OSBP2: variants seen among roughly 807,000 people sequenced by gnomAD.
The protein encoded by OSBP2 is oxysterol binding protein 2.
OSBP2 carries 66 observed loss-of-function variants against 96.0 expected under a neutral mutation model. That is an observed-to-expected ratio of 0.69 (90% CI 0.56 to 0.84). The LOEUF (loss-of-function observed/expected upper bound fraction) is 0.84, where lower values mean the gene tolerates loss of function less well. OSBP2 is among the 40% of genes least tolerant of loss of function. OSBP2 has a pLI of 0.00. For missense variants in OSBP2, 1,038 were observed against 1,222.7 expected (o/e 0.85, Z 2.25); for synonymous variants, 525 against 520.9 (o/e 1.01, Z -0.11).
intron 12 of OSBP2, chr22:30,902,126 G>GAAA (rs35391426): frequency 5.3e-4 from 67 of 126,040 alleles, no homozygotes; most frequent in African/African-American, 1.1e-3. Flanking sequence ...AAAAAAAAAC[G>GAAA]AAAAAAAAAA....
At chr22:30,795,879 G>A (rs1048812826) in intron 2 of OSBP2, among the ~76,000 whole-genome samples, 1 of 152,152 alleles carries the variant, frequency 6.6e-6, no homozygotes, top group Non-Finnish European at 1.5e-5. Context: ...TTGATTATTT[G>A]TATAGATTTC....
intron 2 of OSBP2, among the ~76,000 whole-genome samples, chr22:30,838,594 C>G (rs1322839075): frequency 2.6e-5 from 4 of 152,152 alleles, no homozygotes; most frequent in Non-Finnish European, 5.9e-5. Context: ...ACGATCTGCA[C>G]TGTATGTTTT....
chr22:30,801,034 C>T (rs183627561), intron 2 of OSBP2, among the ~76,000 whole-genome samples: 6 of 152,228 alleles, frequency 3.9e-5, no homozygotes, highest in South Asian at 2.1e-4. Context: ...AGACTATTAA[C>T]GGAGTTAAAT....
intron 1 of OSBP2, among the ~76,000 whole-genome samples, chr22:30,740,769 G>A (rs890734108): frequency 1.3e-5 from 2 of 152,144 alleles, no homozygotes; most frequent in African/African-American, 4.8e-5. Context: ...GAGCCACCGC[G>A]CCTGGCCCCA....
chr22:30,885,013 AC>A (rs991771339), intron 3 of OSBP2, among the ~76,000 whole-genome samples: 3 of 152,146 alleles, frequency 2.0e-5, no homozygotes, highest in African/African-American at 7.2e-5. Context: ...TGGCCTGGGC[AC>A]CAGGTGCCAG....
At chr22:30,883,569 AG>A (rs1214031751) in intron 3 of OSBP2, among the ~76,000 whole-genome samples, 1 of 152,168 alleles carries the variant, frequency 6.6e-6, no homozygotes, top group Non-Finnish European at 1.5e-5. Flanking sequence ...CAATGTGGGG[AG>A]GAGGGCCTCC....
chr22:30,705,281 T>TTTG (rs58817033), intron 1 of OSBP2, among the ~76,000 whole-genome samples: 1,669 of 150,496 alleles, frequency 0.011, 20 homozygotes, highest in East Asian at 0.027. Flanking sequence ...CCCCAGTATT[T>TTTG]TTGTTGTTGT....
chr22:30,840,547 G>A (rs928977452), intron 2 of OSBP2, among the ~76,000 whole-genome samples: 1 of 152,158 alleles, frequency 6.6e-6, no homozygotes, highest in Non-Finnish European at 1.5e-5. Flanking sequence ...CTTGAGTTCA[G>A]ACTTAGCTCT....
At chr22:30,867,168 A>C (rs1602384102) in intron 2 of OSBP2, among the ~76,000 whole-genome samples, 1 of 152,152 alleles carries the variant, frequency 6.6e-6, no homozygotes, top group Non-Finnish European at 1.5e-5. Flanking sequence ...TTCCTGCCCA[A>C]GCCCACCCCT....
upstream of OSBP2, chr22:30,694,138 G>C: frequency 1.9e-6 from 3 of 1,550,058 alleles, no homozygotes; most frequent in Non-Finnish European, 2.6e-6. Context: ...TCCAAGTTCA[G>C]AATCCCACTT....
rs772269775 is a variant in OSBP2, at chr22:30,881,815, G to A, written c.1108-5611G>A. 8 of 1,303,856 alleles carry A rather than the reference G, an allele frequency of 6.1e-6. No homozygotes were observed. The highest frequency in any genetic ancestry group is 2.1e-4 in the Middle Eastern group (1 of 4,670). The allele number at this position is 1,303,856 out of a possible 1,614,324, so 80.8% of individuals were successfully genotyped here. A position where few individuals can be genotyped will look rare whatever the true frequency, so the allele number is the denominator to read the frequency against. Reference sequence around the variant, plus strand: ...GGATGGACACCAGGTGGGTGCATCCGGGCTGGGGGAGGTGGACGGGCTCTC... The same window carrying A: ...GGATGGACACCAGGTGGGTGCATCCAGGCTGGGGGAGGTGGACGGGCTCTC... On this transcript the variant is annotated intron_variant, in intron 3 of 13. Transcript: ENST00000332585. This position sits in a 1 kb window ranked among gnomAD's most constrained non-coding sequence, Gnocchi z 4.5.
At chr22:30,703,912 G>A (rs1293842521) in intron 1 of OSBP2, among the ~76,000 whole-genome samples, 1 of 152,204 alleles carries the variant, frequency 6.6e-6, no homozygotes, top group African/African-American at 2.4e-5. Context: ...CCTTTTGTCT[G>A]TGGGGTATTC....
chr22:30,796,392 G>A (rs958467657), intron 2 of OSBP2, among the ~76,000 whole-genome samples: 1 of 151,954 alleles, frequency 6.6e-6, no homozygotes, highest in Non-Finnish European at 1.5e-5. Flanking sequence ...ATTTACAAGG[G>A]AAATAATTTT....
chr22:30,748,314 G>A (rs749420299), intron 2 of OSBP2, among the ~76,000 whole-genome samples: 14 of 151,866 alleles, frequency 9.2e-5, no homozygotes, highest in African/African-American at 3.1e-4. Flanking sequence ...CAGGTGATCC[G>A]CCTGCCTCAG....
At position 30,891,661 on chromosome 22, in the gene OSBP2, G is replaced by T. The variant is rs1428403996; in HGVS notation, c.1869+688G>T. ...GTGGTGGCCAGACCTGGGGGAAGGG[G>T]GAGGCCAGAACACAGGCAGCTTTTG... On this transcript the variant is annotated intron_variant, in intron 8 of 13. Coordinates refer to ENST00000332585, the MANE Select transcript of OSBP2 (RefSeq NM_030758.4). 2.6e-5 allele frequency among the ~76,000 whole-genome samples: 4 copies of T among 152,164 alleles called. No individual in the cohort carries two copies. In the East Asian group the frequency reaches 7.7e-4, roughly 29 times the overall value.
chr22:30,873,842 G>A (rs190950314), intron 3 of OSBP2, among the ~76,000 whole-genome samples: 2 of 152,306 alleles, frequency 1.3e-5, no homozygotes, highest in East Asian at 3.9e-4. Context: ...TTCACAGCGC[G>A]CTGGGGCAGG....
rs1257373759 is a variant in OSBP2 at position 30,870,432 on chromosome 22, ACT to A, written c.860_861del (p.Ser287TrpfsTer28). The A allele has an allele frequency of 6.2e-7, 1 of 1,613,294 alleles. No individual in the cohort carries two copies. The highest frequency in any genetic ancestry group is 8.5e-7 in the Non-Finnish European group (1 of 1,179,896). Reference sequence around the variant, plus strand: ...ACAACTCTATTTTCTTCCACAGATGACTCTGGGGACGACGACGAGGCTACCAC... The same window carrying A: ...ACAACTCTATTTTCTTCCACAGATGACTGGGGACGACGACGAGGCTACCAC... On this transcript the variant is annotated frameshift_variant, in exon 3 of 14. Coordinates refer to ENST00000332585, the MANE Select transcript of OSBP2 (RefSeq NM_030758.4). LOFTEE classifies it high-confidence loss of function. This position sits in a 1 kb window ranked among gnomAD's most constrained non-coding sequence, Gnocchi z 4.1.
intron 2 of OSBP2, among the ~76,000 whole-genome samples, chr22:30,831,962 T>A (rs1469996267): frequency 6.6e-6 from 1 of 152,182 alleles, no homozygotes; most frequent in African/African-American, 2.4e-5. Flanking sequence ...GTGCCTACTT[T>A]GACCTCACCC....
At chr22:30,718,337 T>C (rs2089495494) in intron 1 of OSBP2, among the ~76,000 whole-genome samples, 1 of 152,182 alleles carries the variant, frequency 6.6e-6, no homozygotes, top group African/African-American at 2.4e-5. Context: ...TAACCTCCCT[T>C]CTAACGATCA....
Sources: allele counts gnomAD v4.1 joint callset (sites outside exome capture counted in the v4.1 genomes callset), GRCh38; gene constraint gnomAD v4.1.1; non-coding constraint Gnocchi (gnomAD v3.1); transcripts MANE v1.5; gene names NCBI Gene and HGNC (gene_info 2026-07-23, HGNC 2026-07-21).